Variants in ATP9A observed in about 807,000 individuals in gnomAD.
ATP9A encodes the protein probable phospholipid-transporting ATPase IIA.
In ATP9A, 52 loss-of-function variants were observed where a neutral mutation model predicts 144.1. That is an observed-to-expected ratio of 0.36 (90% confidence interval 0.29 to 0.45). The LOEUF (loss-of-function observed/expected upper bound fraction) is 0.45, where lower values mean the gene tolerates loss of function less well. Ranked by LOEUF, ATP9A falls within the 20% of genes least tolerant of loss-of-function variation. The pLI, the probability that ATP9A is intolerant of heterozygous loss-of-function variation, is 1.00. For synonymous variants in ATP9A, 582 were observed against 557.4 expected (o/e 1.04, Z -0.62); for missense variants, 947 against 1,392.7 (o/e 0.68, Z 5.09).
chr20:51,768,282 A>G lies in ATP9A; in HGVS notation c.68+20T>C, dbSNP rs3746416. ...CCGGGAGGCGCGGACAAAGGAAAAC[A>G]CGGGCCCAGGCCCACTCACCCGGCG... On this transcript the variant is annotated intron_variant, in intron 1 of 27. Transcript: ENST00000338821. 520,247 of 1,249,928 alleles carry G rather than the reference A, an allele frequency of 0.42. 109,902 individuals carry two copies. The highest frequency in any genetic ancestry group is 0.43 in the Middle Eastern group (1,829 of 4,292). 77.4% of individuals were successfully genotyped at this position (1,249,928 alleles called of 1,614,324 possible).
intron 15 of ATP9A, among the ~76,000 whole-genome samples, chr20:51,632,236 C>T (rs1601069108): frequency 6.6e-6 from 1 of 152,234 alleles, no homozygotes; most frequent in South Asian, 2.1e-4. Context: ...TGTGCACCAC[C>T]ATGCCCAGCT....
chr20:51,656,965 G>C lies in ATP9A; in HGVS notation c.1479C>G (p.Arg493=). The C allele has an allele frequency of 1.2e-6, 2 of 1,614,018 alleles. No individual in the cohort carries two copies. The highest frequency in any genetic ancestry group is 1.7e-6 in the Non-Finnish European group (2 of 1,180,016). The change falls in exon 14 of 28, where the codon CGC becomes CGG. Residue 493 remains arginine, a synonymous_variant. Transcript: ENST00000338821. Reference sequence around the variant, plus strand: ...CATCGGGGCTGGATGCCTGGTATACGCGGCAGGAGTCTTCGTACTGCTTCT... The same window carrying C: ...CATCGGGGCTGGATGCCTGGTATACCCGGCAGGAGTCTTCGTACTGCTTCT... ...EAEKQYEDSC[R]VYQASSPDEV...
intron 1 of ATP9A, among the ~76,000 whole-genome samples, chr20:51,763,314 C>CT (rs199506194): frequency 0.099 from 13,333 of 135,134 alleles, 999 homozygotes; most frequent in African/African-American, 0.2. Flanking sequence ...GGTTTACATA[C>CT]TTTTTTTTTT....
chr20:51,746,140 C>G (rs2077807078), intron 1 of ATP9A, among the ~76,000 whole-genome samples: 1 of 152,022 alleles, frequency 6.6e-6, no homozygotes, highest in African/African-American at 2.4e-5. Flanking sequence ...AACTTACAGG[C>G]ACAAAGAAGG....
chr20:51,643,412 A>G (rs2143720), intron 14 of ATP9A, among the ~76,000 whole-genome samples: 70,085 of 152,066 alleles, frequency 0.46, 17,704 homozygotes, highest in East Asian at 0.8. Flanking sequence ...CCTAAAATTC[A>G]TATGTTGAAA....
chr20:51,676,029 A>G lies in ATP9A; in HGVS notation c.876+103T>C, dbSNP rs1041681666. The G allele has an allele frequency of 8.5e-6, 7 of 824,804 alleles. No individual in the cohort carries two copies. In the African/African-American group the frequency reaches 1.2e-4, roughly 14 times the overall value. 51.1% of individuals were successfully genotyped at this position (824,804 alleles called of 1,614,324 possible). On this transcript the variant is annotated intron_variant, in intron 10 of 27. Transcript: ENST00000338821. ...ATGCATAAAAAGATAAAATGTCTGTATAAATATCACTCTTAGGTGTTCCTA... is the reference window on the plus strand; with the variant it reads ...ATGCATAAAAAGATAAAATGTCTGTGTAAATATCACTCTTAGGTGTTCCTA...
chr20:51,635,095 G>A (rs1281897556), intron 15 of ATP9A, among the ~76,000 whole-genome samples: 1 of 152,152 alleles, frequency 6.6e-6, no homozygotes, highest in Non-Finnish European at 1.5e-5. Flanking sequence ...CGTGAGGGGA[G>A]GTCACCTCTG....
intron 4 of ATP9A, among the ~76,000 whole-genome samples, chr20:51,705,234 G>A (rs971165678): frequency 1.3e-4 from 20 of 152,134 alleles, no homozygotes; most frequent in African/African-American, 4.8e-4. Context: ...AGAAAAAGGT[G>A]CATTCTTAGG....
intron 15 of ATP9A, among the ~76,000 whole-genome samples, chr20:51,629,652 G>A (rs1300561258): frequency 2.6e-5 from 4 of 152,182 alleles, no homozygotes; most frequent in African/African-American, 7.2e-5. Flanking sequence ...TGTCTCAGCT[G>A]AGAATAATTC....
At chr20:51,629,218 G>A (rs1217896806) in intron 15 of ATP9A, 146 bp from the exon 16 acceptor site, 5 of 576,920 alleles carry the variant, frequency 8.7e-6, no homozygotes, top group South Asian at 5.8e-5. Flanking sequence ...AAAGCGAGAA[G>A]GGGCCTCATT....
intron 1 of ATP9A, chr20:51,734,673 A>C (rs2077756119): frequency 6.4e-6 from 1 of 155,120 alleles, no homozygotes; most frequent in South Asian, 1.9e-4. Flanking sequence ...AGAAAGGAAG[A>C]AATCCCAGTC....
intron 15 of ATP9A, among the ~76,000 whole-genome samples, chr20:51,638,111 A>ATATATATATATATATATATATG (rs2077302391): frequency 1.2e-5 from 1 of 85,338 alleles, no homozygotes; most frequent in African/African-American, 5.1e-5. Context: ...ATATATATAT[A>ATATATATATATATATATATATG]TATATATATA....
rs2077732663 is a variant in ATP9A, at chr20:51,729,865, T to C, written c.182A>G (p.Gln61Arg). Residue 61 changes from glutamine to arginine, a missense_variant, in exon 2 of 28, where the codon CAG becomes CGG. By Grantham distance (43) the Gln-to-Arg change is conservative (BLOSUM62 1). This residue lies in a region of ATP9A where 770 missense variants were observed against 1,047.9 expected (regional missense o/e 0.73). Transcript: ENST00000338821. Reference protein sequence around the residue: ...QRYPRNVINNQKYNFFTFLPG... With the variant: ...QRYPRNVINNRKYNFFTFLPG... ...AAGAAAGGTGAAGAAATTGTACTTC[T>C]GATTGTTGATGACATTCCGAGGATA... 1.2e-6 allele frequency: 2 copies of C among 1,603,330 alleles called. No homozygotes were observed. The highest frequency in any genetic ancestry group is 1.4e-5 in the African/African-American group (1 of 73,992).
intron 6 of ATP9A, among the ~76,000 whole-genome samples, chr20:51,694,480 C>CT (rs1461310604): frequency 1.3e-5 from 2 of 152,314 alleles, no homozygotes; most frequent in East Asian, 3.9e-4. Flanking sequence ...TCGCCAGCAC[C>CT]TTCTCAGGAC....
At chr20:51,687,046 T>C (rs969676106) in intron 9 of ATP9A, among the ~76,000 whole-genome samples, 4 of 151,898 alleles carry the variant, frequency 2.6e-5, no homozygotes, top group African/African-American at 4.8e-5. Flanking sequence ...TATTTTTCAG[T>C]CAAATTATCA....
At chr20:51,619,681 C>G (rs1407430059) in intron 19 of ATP9A, among the ~76,000 whole-genome samples, 1 of 151,644 alleles carries the variant, frequency 6.6e-6, no homozygotes, top group Non-Finnish European at 1.5e-5. Context: ...CCAGCCTGAC[C>G]CACATGGAGA....
intron 1 of ATP9A, among the ~76,000 whole-genome samples, chr20:51,766,839 C>CAAA (rs2077906208): frequency 6.6e-6 from 1 of 151,750 alleles, no homozygotes; most frequent in African/African-American, 2.4e-5. Context: ...GACTCCGTCT[C>CAAA]AATAATAATA....
chr20:51,693,266 C>T (rs1305112225), intron 7 of ATP9A, among the ~76,000 whole-genome samples: 1 of 152,214 alleles, frequency 6.6e-6, no homozygotes, highest in Non-Finnish European at 1.5e-5. Context: ...TGAGCAAAAG[C>T]TCAGTGGAGT....
chr20:51,743,017 G>C (rs1374530935), intron 1 of ATP9A, among the ~76,000 whole-genome samples: 1 of 152,194 alleles, frequency 6.6e-6, no homozygotes. Flanking sequence ...TTTTGGAACT[G>C]TTGTCCCACG....
Sources: gnomAD v4.1 joint callset for allele counts (sites outside exome capture counted in the v4.1 genomes callset) on GRCh38, gnomAD v4.1.1 for gene constraint, gnomAD v4.1.1 regional missense constraint, MANE v1.5 for transcripts, NCBI Gene and HGNC (gene_info 2026-07-23, HGNC 2026-07-21) for gene names.